Variants in ARID4A observed in about 807,000 individuals in gnomAD.
The protein encoded by ARID4A is AT-rich interaction domain 4A.
ARID4A carries 39 observed loss-of-function variants against 148.6 expected under a neutral mutation model. The ratio of observed to expected loss-of-function variants is 0.26; its 90% CI spans 0.20 to 0.34. ARID4A has a LOEUF of 0.34. Ranked by LOEUF, ARID4A falls within the 10% of genes least tolerant of loss-of-function variation. The pLI, the probability that ARID4A is intolerant of heterozygous loss-of-function variation, is 1.00. For synonymous variants in ARID4A, 475 were observed against 481.2 expected, an observed-to-expected ratio of 0.99 and a Z score of 0.17; for missense variants, 1,265 against 1,449.1, an observed-to-expected ratio of 0.87 and a Z score of 2.06.
In ARID4A at chr14:58,337,180, C is replaced by T. The variant is rs796805585; in HGVS notation, c.906+7011C>T. On this transcript the variant is annotated intron_variant, in intron 11 of 23. Transcript: ENST00000355431. ...GTGCTGGGATTATAGGCATGAGCCA[C>T]TGCGCCCAGCCCCAAAGTGAACTTT... Among the ~76,000 whole-genome samples the T allele has an allele frequency of 1.4e-5, 2 of 144,682 alleles. 1 individual carries two copies. The highest frequency in any genetic ancestry group is 5.1e-5 in the African/African-American group (2 of 39,600). The allele number at this position is 144,682 out of a possible 152,430, so 94.9% of individuals were successfully genotyped here.
intron 11 of ARID4A, among the ~76,000 whole-genome samples, chr14:58,342,504 G>A (rs944011903): frequency 1.2e-4 from 19 of 152,164 alleles, no homozygotes; most frequent in African/African-American, 4.6e-4. Context: ...TGCAATTGAT[G>A]AGTTGATTTT....
At chr14:58,371,618 A>G (rs1005615822) in intron 23 of ARID4A, among the ~76,000 whole-genome samples, 2 of 152,174 alleles carry the variant, frequency 1.3e-5, no homozygotes, top group Admixed American at 1.3e-4. Context: ...GGATCTCCCA[A>G]CTAGAGGTTT....
intron 5 of ARID4A, among the ~76,000 whole-genome samples, chr14:58,316,241 AG>A (rs1200956329): frequency 1.3e-5 from 2 of 152,224 alleles, no homozygotes; most frequent in African/African-American, 4.8e-5. Flanking sequence ...AATGGAAAAA[AG>A]TATCTAGAAT....
rs386381476 is a variant in ARID4A at position 58,322,963 on chromosome 14, C to CAA, written c.450-505_450-504dup. 5.5e-3 allele frequency among the ~76,000 whole-genome samples: 233 copies of CAA among 42,214 alleles called. 5 individuals are homozygous for CAA. The highest frequency in any genetic ancestry group is 0.011 in the African/African-American group (106 of 9,224). 27.7% of individuals were successfully genotyped at this position (42,214 alleles called of 152,430 possible). A position where few individuals can be genotyped will look rare whatever the true frequency, so the allele number is the denominator to read the frequency against. The stretch of plus-strand genomic sequence containing the variant: ...GGGTGACAAAGCGAGACTCCATTTC[C>CAA]AAAAAAAAAAAAAAAAAATATATAT... On this transcript the variant is annotated intron_variant, in intron 7 of 23. Coordinates refer to ENST00000355431, the MANE Select transcript of ARID4A (RefSeq NM_002892.4).
chr14:58,359,923 G>A (rs143163366), intron 18 of ARID4A, among the ~76,000 whole-genome samples: 4,257 of 152,138 alleles, frequency 0.028, 81 homozygotes, highest in Non-Finnish European at 0.039. Flanking sequence ...AAAATTAGCC[G>A]GTCGTGGTGG....
intron 5 of ARID4A, among the ~76,000 whole-genome samples, chr14:58,311,659 A>C (rs1034404867): frequency 6.6e-6 from 1 of 152,218 alleles, no homozygotes; most frequent in Non-Finnish European, 1.5e-5. Context: ...AGCACTATTC[A>C]CAATAGCCAA....
chr14:58,366,926 C>T lies in ARID4A; in HGVS notation c.3567C>T (p.Leu1189=), dbSNP rs1280967802. The T allele has an allele frequency of 2.0e-6, 3 of 1,517,384 alleles. No individual in the cohort carries two copies. Among genetic ancestry groups the T allele is most frequent in the African/African-American group, 1.5e-5 (1 of 68,934 alleles). 94.0% of individuals were successfully genotyped at this position (1,517,384 alleles called of 1,614,324 possible). ...NMNSTERISF[L]QEKLQEIRKY... is the part of the protein sequence containing the mutation. ...ACAGTACAGAGAGAATCTCATTTCT[C>T]CAAGAAAAACTACAGGAAATCAGAA... The change falls in exon 23 of 24, where the codon CTC becomes CTT. Residue 1189 remains leucine, a synonymous_variant. Transcript: ENST00000355431.
Position 58,366,896 on chromosome 14 carries a change from T to G in ARID4A, c.3537T>G (p.Asn1179Lys). 1 of 1,500,488 alleles carries G rather than the reference T, an allele frequency of 6.7e-7. No homozygotes were observed. 92.9% of individuals were successfully genotyped at this position (1,500,488 alleles called of 1,614,324 possible). The change falls in exon 23 of 24, where the codon AAT becomes AAG. Residue 1179 changes from asparagine (N) to lysine (K), a missense_variant. Physicochemically the swap from Asn to Lys is moderately conservative, Grantham distance 94 (BLOSUM62 0). Transcript: ENST00000355431. ...KWSFQLNELD[N>K]MNSTERISFL... is the part of the protein sequence containing the mutation. The stretch of plus-strand genomic sequence containing the variant: ...CCCCCCTTTTAGATGAATTAGATAA[T>G]ATGAACAGTACAGAGAGAATCTCAT...
chr14:58,351,412 T>C (rs2034633961), intron 16 of ARID4A, 89 bp downstream of exon 16: 1 of 1,491,752 alleles, frequency 6.7e-7, no homozygotes, highest in African/African-American at 1.4e-5. Context: ...TTTGAGGGAA[T>C]GTTTTCTTAT....
At chr14:58,363,570 G>A (rs1314984723) in intron 19 of ARID4A, among the ~76,000 whole-genome samples, 1 of 151,984 alleles carries the variant, frequency 6.6e-6, no homozygotes, top group East Asian at 1.9e-4. Context: ...GTGGTGGCCT[G>A]CGCCTATCCC....
chr14:58,361,006 G>A lies in ARID4A; in HGVS notation c.2044G>A (p.Gly682Ser), dbSNP rs766579665. The A allele has an allele frequency of 1.2e-6, 2 of 1,613,936 alleles. No individual in the cohort carries two copies. Among genetic ancestry groups the A allele is most frequent in the African/African-American group, 2.7e-5 (2 of 74,904 alleles). Residue 682 changes from glycine (G) to serine (S), a missense_variant, in exon 19 of 24, where the codon GGC becomes AGC. Transcript: ENST00000355431. ...KSTLSSNMPY[G>S]LSKTANSEGK... The stretch of plus-strand genomic sequence containing the variant: ...AACCCTCTCATCAAACATGCCGTAT[G>A]GCTTATCTAAGACAGCAAACAGTGA...
In ARID4A at chr14:58,357,805, G is replaced by A. The variant is rs1005221091; in HGVS notation, c.1854-1327G>A. ...TTTTGACTTAATTCTGTAAATACTT[G>A]TATATTTAGATAATGTAAAAACTGT... On this transcript the variant is annotated intron_variant, in intron 17 of 23. Coordinates refer to ENST00000355431, the MANE Select transcript of ARID4A (RefSeq NM_002892.4). Among the ~76,000 whole-genome samples, 3 of 152,044 alleles carry A rather than the reference G, an allele frequency of 2.0e-5. 1 individual carries two copies. The South Asian group carries it at 6.2e-4, about 32-fold the overall frequency.
rs1203065438 is a variant in ARID4A at position 58,347,647 on chromosome 14, G to A, written c.1173G>A (p.Lys391=). 1 of 1,560,446 alleles carries A rather than the reference G, an allele frequency of 6.4e-7. No individual in the cohort carries two copies. The highest frequency in any genetic ancestry group is 8.7e-7 in the Non-Finnish European group (1 of 1,151,112). ...CTTAAATGAAATATTGTTTGTTTAG[G>A]TATCTCTATGGTTTTGAGGAGTACT... ...ASYNVKTAYR[K]YLYGFEEYCR... The change falls in exon 15 of 24, where the codon AAG becomes AAA. Residue 391 remains lysine (K), a splice_region_variant and synonymous_variant. Coordinates refer to ENST00000355431, the MANE Select transcript of ARID4A (RefSeq NM_002892.4).
chr14:58,311,228 A>G (rs1223568056), intron 5 of ARID4A, among the ~76,000 whole-genome samples: 2 of 152,212 alleles, frequency 1.3e-5, no homozygotes, highest in Admixed American at 6.5e-5. Flanking sequence ...CCTGGGCGAC[A>G]GAGCAAGACT....
chr14:58,371,009 G>A (rs1312507487), intron 23 of ARID4A, among the ~76,000 whole-genome samples: 1 of 152,098 alleles, frequency 6.6e-6, no homozygotes, highest in Non-Finnish European at 1.5e-5. Flanking sequence ...AGAATTTGTT[G>A]CCTGGGCATG....
At chr14:58,328,962 C>T (rs1417277675) in intron 9 of ARID4A, among the ~76,000 whole-genome samples, 1 of 149,750 alleles carries the variant, frequency 6.7e-6, no homozygotes, top group Non-Finnish European at 1.5e-5. Context: ...CACTGCACTC[C>T]AGCCTGACGA....
intron 17 of ARID4A, among the ~76,000 whole-genome samples, chr14:58,358,917 C>A (rs962271472): frequency 2.6e-5 from 4 of 152,126 alleles, no homozygotes; most frequent in African/African-American, 9.7e-5. Context: ...TTAAGAAATC[C>A]TCTTGCCTTT....
intron 1 of ARID4A, 96 bp from the exon 2 acceptor site, chr14:58,299,702 T>G (rs2030960124): frequency 2.9e-6 from 3 of 1,050,742 alleles, no homozygotes; most frequent in Non-Finnish European, 4.3e-6. Context: ...GTGAGGATTC[T>G]GCCCCTCCCC....
At position 58,365,576 on chromosome 14, in the gene ARID4A, C is replaced by G; in HGVS notation, c.3270C>G (p.Thr1090=). Residue 1090 remains threonine, a synonymous_variant, in exon 21 of 24, where the codon ACC becomes ACG. Coordinates refer to ENST00000355431, the MANE Select transcript of ARID4A (RefSeq NM_002892.4). The part of the protein sequence containing the change: ...SGLMAKKQKR[T]PKRTSAAAKN... ...TAATGGCAAAAAAGCAAAAGCGTACCCCAAAGCGAACAAGTGCTGCAGCCA... is the reference window on the plus strand; with the variant it reads ...TAATGGCAAAAAAGCAAAAGCGTACGCCAAAGCGAACAAGTGCTGCAGCCA... The G allele has an allele frequency of 6.2e-7, 1 of 1,610,352 alleles. No homozygotes were observed. Among genetic ancestry groups the G allele is most frequent in the South Asian group, 1.1e-5 (1 of 90,908 alleles).
Sources: gnomAD v4.1 joint callset for allele counts (sites outside exome capture counted in the v4.1 genomes callset) on GRCh38, gnomAD v4.1.1 for gene constraint, MANE v1.5 for transcripts, NCBI Gene and HGNC (gene_info 2026-07-23, HGNC 2026-07-21) for gene names.